The following TYR variants were observed in gnomAD, a reference collection of about 807,000 sequenced individuals.
TYR encodes LB24-AB.
In TYR, 58 loss-of-function variants were observed where a neutral mutation model predicts 51.5. The ratio of observed to expected loss-of-function variants is 1.13; its 90% CI spans 0.91 to 1.40. The LOEUF (loss-of-function observed/expected upper bound fraction) is 1.40. TYR is among the 40% of genes most tolerant of loss of function. TYR has a pLI of 0.00. For synonymous variants in TYR, 263 were observed against 235.2 expected (o/e 1.12, Z -1.08); for missense variants, 732 against 647.4 (o/e 1.13, Z -1.42).
At chr11:89,214,489 C>T (rs931131256) in intron 2 of TYR, among the ~76,000 whole-genome samples, 2 of 152,118 alleles carry the variant, frequency 1.3e-5, no homozygotes, top group Non-Finnish European at 2.9e-5. Context: ...CCTCAAGGAT[C>T]TAGAACTAGA....
chr11:89,222,984 T>G (rs1203957286), intron 2 of TYR, among the ~76,000 whole-genome samples: 4 of 152,142 alleles, frequency 2.6e-5, no homozygotes, highest in African/African-American at 9.7e-5. Context: ...TTGCTGTAAT[T>G]TGGTAGCTAA....
At chr11:89,179,901 C>G (rs1271546977) in intron 1 of TYR, among the ~76,000 whole-genome samples, 1 of 152,130 alleles carries the variant, frequency 6.6e-6, no homozygotes, top group African/African-American at 2.4e-5. Context: ...ATTTCTAATA[C>G]AGCACTTTTG....
intron 3 of TYR, 54 bp from the exon 4 acceptor site, chr11:89,284,719 T>C: frequency 6.4e-7 from 1 of 1,565,834 alleles, no homozygotes; most frequent in Non-Finnish European, 8.8e-7. Flanking sequence ...AATTTTCAAA[T>C]GTTTCTTTTA....
chr11:89,245,425 G>A (rs892591862), intron 3 of TYR, among the ~76,000 whole-genome samples: 3 of 152,110 alleles, frequency 2.0e-5, no homozygotes, highest in African/African-American at 7.2e-5. Context: ...CTTAATAGAA[G>A]GAAAGTGTAT....
chr11:89,195,999 C>T (rs991002877), intron 2 of TYR, among the ~76,000 whole-genome samples: 1 of 152,116 alleles, frequency 6.6e-6, no homozygotes, highest in Non-Finnish European at 1.5e-5. Context: ...CATCCTAGCT[C>T]AACCACTTCC....
intron 3 of TYR, among the ~76,000 whole-genome samples, chr11:89,269,882 T>C (rs775799000): frequency 2.0e-5 from 3 of 151,928 alleles, no homozygotes; most frequent in Non-Finnish European, 2.9e-5. Context: ...CCTGGGATGC[T>C]ATTATTTCAA....
At chr11:89,277,896 T>C (rs971195200) in intron 3 of TYR, among the ~76,000 whole-genome samples, 2 of 151,678 alleles carry the variant, frequency 1.3e-5, no homozygotes, top group Admixed American at 1.3e-4. Context: ...TGTGGTCTTT[T>C]ACAAATGATA....
chr11:89,228,759 C>T (rs191007958), intron 3 of TYR, among the ~76,000 whole-genome samples: 2 of 152,168 alleles, frequency 1.3e-5, no homozygotes, highest in Admixed American at 1.3e-4. Flanking sequence ...CCTTATTAGC[C>T]TTCTTCCATT....
At chr11:89,198,476 T>C (rs1220117363) in intron 2 of TYR, among the ~76,000 whole-genome samples, 3 of 152,002 alleles carry the variant, frequency 2.0e-5, no homozygotes, top group Non-Finnish European at 2.9e-5. Flanking sequence ...TCCGGGCCTG[T>C]TTTAATTAAT....
chr11:89,214,011 C>A (rs951012385), intron 2 of TYR, among the ~76,000 whole-genome samples: 7 of 152,078 alleles, frequency 4.6e-5, no homozygotes, highest in African/African-American at 1.7e-4. Context: ...CTAGGCAATA[C>A]CGTTGAGAAC....
chr11:89,242,840 T>C (rs1944217060), intron 3 of TYR, among the ~76,000 whole-genome samples: 2 of 152,180 alleles, frequency 1.3e-5, no homozygotes, highest in Admixed American at 1.3e-4. Flanking sequence ...AAAGAAGGTA[T>C]GCATCTAAAA....
intron 3 of TYR, among the ~76,000 whole-genome samples, chr11:89,262,189 G>T (rs1184269437): frequency 6.6e-6 from 1 of 151,992 alleles, no homozygotes; most frequent in Non-Finnish European, 1.5e-5. Flanking sequence ...CTCCTGAGTA[G>T]CTAGGATTAC....
At chr11:89,217,558 GGCCACA>G (rs1943848492) in intron 2 of TYR, among the ~76,000 whole-genome samples, 1 of 152,082 alleles carries the variant, frequency 6.6e-6, no homozygotes, top group Non-Finnish European at 1.5e-5. Context: ...TTATTCACAG[GGCCACA>G]TATAAATGTG....
chr11:89,244,381 T>C (rs1354359339), intron 3 of TYR, among the ~76,000 whole-genome samples: 1 of 152,040 alleles, frequency 6.6e-6, no homozygotes, highest in Non-Finnish European at 1.5e-5. Flanking sequence ...CTCCAGCTTC[T>C]GAAATGCCCT....
intron 3 of TYR, 64 bp from the exon 4 acceptor site, chr11:89,284,709 A>G (rs1407840883): frequency 1.1e-5 from 17 of 1,520,710 alleles, no homozygotes; most frequent in African/African-American, 5.5e-5. Flanking sequence ...TTACTTTAAA[A>G]ATTTTCAAAT....
intron 3 of TYR, among the ~76,000 whole-genome samples, chr11:89,258,703 A>G (rs1021940355): frequency 6.6e-6 from 1 of 152,136 alleles, no homozygotes; most frequent in African/African-American, 2.4e-5. Context: ...AATTGTAAAC[A>G]ATGTAAATAG....
intron 1 of TYR, among the ~76,000 whole-genome samples, chr11:89,184,652 T>C (rs1424574872): frequency 6.6e-6 from 1 of 152,184 alleles, no homozygotes; most frequent in Non-Finnish European, 1.5e-5. Flanking sequence ...AACTGGCATT[T>C]GTTGAAACAG....
At chr11:89,191,815 A>G (rs774333348) in intron 2 of TYR, among the ~76,000 whole-genome samples, 1 of 152,192 alleles carries the variant, frequency 6.6e-6, no homozygotes. Context: ...AGTGAAATAT[A>G]TGAATATATT....
intron 3 of TYR, among the ~76,000 whole-genome samples, chr11:89,239,995 A>AATGCACATTT (rs1811314298): frequency 6.6e-6 from 1 of 152,196 alleles, no homozygotes; most frequent in East Asian, 1.9e-4. Context: ...GTGTGACAAT[A>AATGCACATTT]ATGCACATTT....
Sources: gnomAD v4.1 joint callset for allele counts (sites outside exome capture counted in the v4.1 genomes callset) on GRCh38, gnomAD v4.1.1 for gene constraint, MANE v1.5 for transcripts, NCBI Gene and HGNC (gene_info 2026-07-23, HGNC 2026-07-21) for gene names.